The following GALNT14 variants were observed in gnomAD, a reference collection of about 807,000 sequenced individuals.
GALNT14 encodes the protein UDP-GalNAc:polypeptide N-acetylgalactosaminyltransferase 14.
GALNT14 carries 60 observed loss-of-function variants against 77.5 expected under a neutral mutation model. The observed-to-expected ratio is 0.77, with a 90% CI of 0.63 to 0.96. GALNT14 has a LOEUF of 0.96. Ranked by LOEUF, GALNT14 falls within the 40% of genes least tolerant of loss-of-function variation. GALNT14 has a pLI of 0.00. For missense variants in GALNT14, 710 were observed against 731.0 expected, an observed-to-expected ratio of 0.97 and a Z score of 0.33; for synonymous variants, 280 against 281.7, an observed-to-expected ratio of 0.99 and a Z score of 0.06.
chr2:30,982,212 G>C (rs908795506), intron 2 of GALNT14, among the ~76,000 whole-genome samples: 1 of 152,172 alleles, frequency 6.6e-6, no homozygotes. Context: ...AAATGAAACA[G>C]ACAGACAATA....
chr2:31,133,393 G>A (rs932858131), intron 1 of GALNT14, among the ~76,000 whole-genome samples: 1 of 152,090 alleles, frequency 6.6e-6, no homozygotes, highest in Admixed American at 6.6e-5. Context: ...TCTACTAAAT[G>A]AGGAATAAAA....
intron 1 of GALNT14, among the ~76,000 whole-genome samples, chr2:31,028,168 G>C (rs10164479): frequency 0.42 from 64,489 of 151,910 alleles, 13,839 homozygotes; most frequent in East Asian, 0.56. Flanking sequence ...GGAAGTTGAG[G>C]TCCTCACCCA....
At chr2:30,991,752 A>C (rs1052796953) in intron 2 of GALNT14, among the ~76,000 whole-genome samples, 1 of 152,230 alleles carries the variant, frequency 6.6e-6, no homozygotes, top group African/African-American at 2.4e-5. Context: ...CAAAGCATAC[A>C]TGCTGTTTAG....
In GALNT14 at chr2:31,074,858, GAGA is replaced by G. The variant is rs370193897; in HGVS notation, c.129+63097_129+63099del. 3.5e-4 allele frequency among the ~76,000 whole-genome samples: 54 copies of G among 152,310 alleles called. No individual in the cohort carries two copies. In the East Asian group the frequency reaches 5.8e-3, roughly 16 times the overall value. ...TCAGACTGTAAAGGCCATGGATACT[GAGA>G]AGAATAGGAAAACTGGGGCCATGCT... On this transcript the variant is annotated intron_variant, in intron 1 of 14. Coordinates refer to ENST00000349752, the MANE Select transcript of GALNT14 (RefSeq NM_024572.4).
intron 1 of GALNT14, among the ~76,000 whole-genome samples, chr2:31,000,445 G>GTGTGTA (rs1262035090): frequency 2.7e-5 from 4 of 150,790 alleles, no homozygotes; most frequent in African/African-American, 9.8e-5. Flanking sequence ...CTGTGTGTGT[G>GTGTGTA]TGTGTGTGTG....
At chr2:30,905,008 T>C in the GALNT14 span, among the ~76,000 whole-genome samples, 2 of 152,102 alleles carry the variant, frequency 1.3e-5, no homozygotes, top group African/African-American at 4.8e-5. Flanking sequence ...GTCCTGTCTG[T>C]TAGAAGGAAA....
intron 1 of GALNT14, among the ~76,000 whole-genome samples, chr2:31,081,359 T>G (rs1460309653): frequency 6.6e-6 from 1 of 152,252 alleles, no homozygotes; most frequent in Non-Finnish European, 1.5e-5. Flanking sequence ...GGAGACTGAT[T>G]CAGTCTAAAC....
In GALNT14 at chr2:30,913,460, A is replaced by T. The variant is rs1486146611; in HGVS notation, c.1381-1118T>A. On this transcript the variant is annotated intron_variant, in intron 13 of 14. Transcript: ENST00000349752. ...AGGACAAGGTGTCCCCCAGGCAGAC[A>T]TGGTGGTCATCTGTCTCTCGTTCTC... 2.0e-5 allele frequency among the ~76,000 whole-genome samples: 3 copies of T among 152,140 alleles called. No homozygotes were observed. In the East Asian group the frequency reaches 5.8e-4, roughly 29 times the overall value.
In GALNT14 at chr2:30,912,350, G is replaced by A. The variant is rs765644505; in HGVS notation, c.1381-8C>T. On this transcript the variant is annotated splice_region_variant and splice_polypyrimidine_tract_variant and intron_variant, in intron 13 of 14. Transcript: ENST00000349752. ...GTATGTGAAGGCCCATACCTGGGGA[G>A]AAAGAGACCAGGAAGGTTTGTTCAG... 1 of 1,613,554 alleles carries A rather than the reference G, an allele frequency of 6.2e-7. No homozygotes were observed. Among genetic ancestry groups the A allele is most frequent in the South Asian group, 1.1e-5 (1 of 90,968 alleles).
chr2:30,938,192 C>T (rs1197861586), intron 9 of GALNT14, among the ~76,000 whole-genome samples: 1 of 152,004 alleles, frequency 6.6e-6, no homozygotes, highest in Non-Finnish European at 1.5e-5. Flanking sequence ...GCCTGCTGTG[C>T]TTTGGAAATC....
At chr2:31,106,268 T>C (rs1183421983) in intron 1 of GALNT14, among the ~76,000 whole-genome samples, 1 of 152,234 alleles carries the variant, frequency 6.6e-6, no homozygotes, top group Admixed American at 6.5e-5. Context: ...ATATGTTCCA[T>C]TGTGTGTGTT....
rs1217069419 is a variant in GALNT14, at chr2:30,911,074, A to C, written c.1501-15T>G. The stretch of plus-strand genomic sequence containing the variant: ...TTGGTCCATTGCTGGTAAGACAAAG[A>C]AGAGAGTGAATGAACTAGGTGCCAT... On this transcript the variant is annotated splice_polypyrimidine_tract_variant and intron_variant, in intron 14 of 14. Transcript: ENST00000349752. 1.2e-6 allele frequency: 2 copies of C among 1,611,988 alleles called. No individual in the cohort carries two copies. The highest frequency in any genetic ancestry group is 1.7e-5 in the Admixed American group (1 of 59,822).
At chr2:31,046,064 A>G (rs1351894679) in intron 1 of GALNT14, among the ~76,000 whole-genome samples, 2 of 152,190 alleles carry the variant, frequency 1.3e-5, no homozygotes, top group Non-Finnish European at 2.9e-5. Context: ...ATCACTTTTC[A>G]TGGATTATCA....
chr2:30,958,610 G>A (rs1667506853), intron 3 of GALNT14, 146 bp from the exon 4 acceptor site: 1 of 631,576 alleles, frequency 1.6e-6, no homozygotes. Flanking sequence ...GCTTATCTGT[G>A]AGCCAGGAGG....
intron 6 of GALNT14, among the ~76,000 whole-genome samples, chr2:30,947,573 C>T (rs1666776767): frequency 6.6e-6 from 1 of 152,184 alleles, no homozygotes; most frequent in Non-Finnish European, 1.5e-5. Flanking sequence ...GCTGTGAACA[C>T]CGAAACTTTT....
At chr2:31,092,090 T>G (rs1452952588) in intron 1 of GALNT14, among the ~76,000 whole-genome samples, 1 of 152,136 alleles carries the variant, frequency 6.6e-6, no homozygotes, top group Non-Finnish European at 1.5e-5. Context: ...ACACCAGTGG[T>G]TCGCCTGGAG....
intron 1 of GALNT14, among the ~76,000 whole-genome samples, chr2:31,096,121 C>T (rs1186781695): frequency 6.6e-6 from 1 of 152,152 alleles, no homozygotes; most frequent in Non-Finnish European, 1.5e-5. Flanking sequence ...CATGGAATCA[C>T]TCTGACTTCC....
intron 1 of GALNT14, among the ~76,000 whole-genome samples, chr2:31,061,460 C>T (rs1416177652): frequency 6.6e-6 from 1 of 152,148 alleles, no homozygotes; most frequent in East Asian, 1.9e-4. Context: ...CAACTGAGCC[C>T]CCTTTTTCCT....
At chr2:31,008,998 T>C (rs991568403) in intron 1 of GALNT14, among the ~76,000 whole-genome samples, 1 of 152,186 alleles carries the variant, frequency 6.6e-6, no homozygotes, top group African/African-American at 2.4e-5. Flanking sequence ...AACTTGCATC[T>C]GGCTTAGCCC....
Sources: allele counts gnomAD v4.1 joint callset (sites outside exome capture counted in the v4.1 genomes callset), GRCh38; gene constraint gnomAD v4.1.1; transcripts MANE v1.5; gene names NCBI Gene and HGNC (gene_info 2026-07-23, HGNC 2026-07-21).